The following RSPO1 variants were observed in gnomAD, a reference collection of about 807,000 sequenced individuals.
The protein encoded by RSPO1 is R-spondin 1, also known as R-spondin-1.
In RSPO1, 18 loss-of-function variants were observed where a neutral mutation model predicts 26.0. The observed-to-expected ratio is 0.69, with a 90% CI of 0.48 to 1.03. The LOEUF (loss-of-function observed/expected upper bound fraction) is 1.03, where lower values mean the gene tolerates loss of function less well. Ranked by LOEUF, RSPO1 falls within the 50% of genes least tolerant of loss-of-function variation. The pLI is 0.00. For missense variants in RSPO1, 309 were observed against 352.3 expected, an observed-to-expected ratio of 0.88 and a Z score of 0.98; for synonymous variants, 133 against 137.4, an observed-to-expected ratio of 0.97 and a Z score of 0.22.
chr1:37,617,313 T>A (rs1361335184), intron 3 of RSPO1, among the ~76,000 whole-genome samples: 1 of 152,054 alleles, frequency 6.6e-6, no homozygotes, highest in Non-Finnish European at 1.5e-5. Context: ...CAGCAAAGAA[T>A]CATTTGGTCC....
At position 37,629,903 on chromosome 1, in the gene RSPO1, T is replaced by A; in HGVS notation, c.-242A>T. Reference sequence around the variant, plus strand: ...CTCAAAGATACCTCGGAATATCATATGAGAGATCTTTTTGTCACGTCAGCA... The same window carrying A: ...CTCAAAGATACCTCGGAATATCATAAGAGAGATCTTTTTGTCACGTCAGCA... On this transcript the variant is annotated 5_prime_UTR_variant, in exon 3 of 7. Coordinates refer to ENST00000356545, the MANE Select transcript of RSPO1 (RefSeq NM_001242908.2). 1 of 1,546,976 alleles carries A rather than the reference T, an allele frequency of 6.5e-7. No individual in the cohort carries two copies. The highest frequency in any genetic ancestry group is 8.7e-7 in the Non-Finnish European group (1 of 1,143,626).
At chr1:37,619,297 G>T (rs969456724) in intron 3 of RSPO1, among the ~76,000 whole-genome samples, 1 of 152,214 alleles carries the variant, frequency 6.6e-6, no homozygotes, top group Admixed American at 6.5e-5. Flanking sequence ...GCAGAGAGCT[G>T]GGAAAATCAG....
At position 37,614,281 on chromosome 1, in the gene RSPO1, C is replaced by A; in HGVS notation, c.339G>T (p.Lys113Asn). ...EACFSHNFCTKCKEGLYLHKG... is the reference protein window; with the variant it reads ...EACFSHNFCTNCKEGLYLHKG... ...TGTGCAGGTACAAGCCCTCCTTACACTTGGTGCAGAAGTTATGGCTGAAGC... is the reference window on the plus strand; with the variant it reads ...TGTGCAGGTACAAGCCCTCCTTACAATTGGTGCAGAAGTTATGGCTGAAGC... The change falls in exon 5 of 7, where the codon AAG (lysine) becomes AAT (asparagine). Residue 113 changes from lysine (K) to asparagine (N), a missense_variant. Physicochemically the swap from Lys to Asn is moderately conservative, Grantham distance 94. Transcript: ENST00000356545. 6.2e-7 allele frequency: 1 copy of A among 1,613,924 alleles called. No individual in the cohort carries two copies. The highest frequency in any genetic ancestry group is 8.5e-7 in the Non-Finnish European group (1 of 1,180,050).
Position 37,613,928 on chromosome 1 carries a change from G to A in RSPO1, c.437-36C>T, listed in dbSNP as rs754691847. 5 of 1,605,880 alleles carry A rather than the reference G, an allele frequency of 3.1e-6. No individual in the cohort carries two copies. In the East Asian group the frequency reaches 1.1e-4, roughly 36 times the overall value. On this transcript the variant is annotated intron_variant, in intron 5 of 6. Coordinates refer to ENST00000356545, the MANE Select transcript of RSPO1 (RefSeq NM_001242908.2). This position sits in a 1 kb window ranked among gnomAD's most constrained non-coding sequence, Gnocchi z 4.5. The stretch of plus-strand genomic sequence containing the variant: ...GAGAAGGGAAGGGAGAGAAGGACAA[G>A]GAGGAGGGGATCATGTCTCCTCCTC...
intron 3 of RSPO1, among the ~76,000 whole-genome samples, chr1:37,620,902 C>T (rs780658767): frequency 1.3e-5 from 2 of 152,092 alleles, no homozygotes; most frequent in Non-Finnish European, 2.9e-5. Flanking sequence ...GACATGAATG[C>T]GCCCTCTAGG....
At position 37,616,566 on chromosome 1, in the gene RSPO1, G is replaced by A. The variant is rs372144977; in HGVS notation, c.204C>T (p.Asp68=). The stretch of plus-strand genomic sequence containing the variant: ...GCAAGCAGACGCCCACCTGGCGGAT[G>A]TCGTTCCTCTCCAGCAGGATGAACA... ...PKLFILLERN[D]IRQVGVCLPS... The change falls in exon 4 of 7, where the codon GAC becomes GAT. Residue 68 remains aspartate, a synonymous_variant. Coordinates refer to ENST00000356545, the MANE Select transcript of RSPO1 (RefSeq NM_001242908.2). 1.9e-6 allele frequency: 3 copies of A among 1,614,094 alleles called. No individual in the cohort carries two copies. The highest frequency in any genetic ancestry group is 1.7e-5 in the Admixed American group (1 of 60,006).
intron 3 of RSPO1, among the ~76,000 whole-genome samples, chr1:37,622,523 C>A (rs1644218205): frequency 2.0e-5 from 3 of 152,030 alleles, no homozygotes. Context: ...AAAAAAAGAA[C>A]CTGATAGTTA....
intron 3 of RSPO1, among the ~76,000 whole-genome samples, chr1:37,619,385 T>C (rs1644165598): frequency 6.6e-6 from 1 of 152,184 alleles, no homozygotes; most frequent in South Asian, 2.1e-4. Flanking sequence ...CAGAGCCAGA[T>C]TCCCAGTCTG....
In RSPO1 at chr1:37,612,974, T is replaced by A. The variant is rs115148848; in HGVS notation, c.626-53A>T. On this transcript the variant is annotated intron_variant, in intron 6 of 6. Coordinates refer to ENST00000356545, the MANE Select transcript of RSPO1 (RefSeq NM_001242908.2). ...CAACAAAGGATGTGCAGGGAGGCCC[T>A]GGGCATGGCCACAGGCCCTAGGAGG... is the stretch of plus-strand genomic sequence containing the variant. 7.7e-4 allele frequency: 1,229 copies of A among 1,598,962 alleles called. 5 individuals carry two copies. In the African/African-American group the frequency reaches 0.015, roughly 19 times the overall value.
At chr1:37,623,468 C>G (rs1190653697) in intron 3 of RSPO1, among the ~76,000 whole-genome samples, 1 of 152,102 alleles carries the variant, frequency 6.6e-6, no homozygotes, top group East Asian at 1.9e-4. Flanking sequence ...GGTTACATAT[C>G]TGGATGTAGA....
At chr1:37,620,025 A>G (rs1025396988) in intron 3 of RSPO1, among the ~76,000 whole-genome samples, 2 of 152,274 alleles carry the variant, frequency 1.3e-5, no homozygotes, top group African/African-American at 4.8e-5. Flanking sequence ...CTGAGATTAC[A>G]GGCGTGAGCC....
Position 37,612,499 on chromosome 1 carries a change from GGTGTGTGTGT to G in RSPO1, c.*246_*255del. ...ATGGAAGTGTCTTCTGGTGGCCTCAGGTGTGTGTGTGTGTGTGTGTGTATGTGTGTGTGTG... is the reference window on the plus strand; with the variant it reads ...ATGGAAGTGTCTTCTGGTGGCCTCAGGTGTGTGTGTGTATGTGTGTGTGTG... On this transcript the variant is annotated 3_prime_UTR_variant, in exon 7 of 7. Coordinates refer to ENST00000356545, the MANE Select transcript of RSPO1 (RefSeq NM_001242908.2). The G allele has an allele frequency of 3.9e-6, 2 of 509,374 alleles. No individual in the cohort carries two copies. The highest frequency in any genetic ancestry group is 2.3e-5 in the South Asian group (1 of 43,650). 31.6% of individuals were successfully genotyped at this position (509,374 alleles called of 1,614,324 possible). A position where few individuals can be genotyped will look rare whatever the true frequency, so the allele number is the denominator to read the frequency against.
chr1:37,615,686 G>A (rs965249612), intron 4 of RSPO1, among the ~76,000 whole-genome samples: 3 of 152,220 alleles, frequency 2.0e-5, no homozygotes, highest in African/African-American at 4.8e-5. Context: ...ATTGTCCCCC[G>A]AGTGTGTTCA....
intron 3 of RSPO1, among the ~76,000 whole-genome samples, chr1:37,628,662 C>T (rs925540137): frequency 9.2e-5 from 14 of 152,210 alleles, no homozygotes; most frequent in Admixed American, 8.5e-4. Context: ...CACTGGGGCC[C>T]CATCACTGGA....
intron 3 of RSPO1, among the ~76,000 whole-genome samples, chr1:37,620,292 C>T (rs567095329): frequency 1.4e-4 from 21 of 152,168 alleles, no homozygotes; most frequent in Admixed American, 6.5e-4. Flanking sequence ...GCGGGCAGAT[C>T]GCTGCAGCCC....
At chr1:37,623,494 C>T (rs574250159) in intron 3 of RSPO1, among the ~76,000 whole-genome samples, 2 of 152,016 alleles carry the variant, frequency 1.3e-5, no homozygotes, top group South Asian at 4.1e-4. Context: ...AGAGGGCACT[C>T]CCTGACCCAG....
intron 3 of RSPO1, among the ~76,000 whole-genome samples, chr1:37,617,446 G>A (rs974222585): frequency 2.6e-5 from 4 of 152,038 alleles, no homozygotes; most frequent in African/African-American, 9.7e-5. Context: ...AACACCTGAG[G>A]TCAGGAGTTT....
chr1:37,613,779 CAG>C lies in RSPO1; in HGVS notation c.548_549del (p.Pro183ArgfsTer9), dbSNP rs1557428853. ...EERTRRVLHA[P>X]VGDHAACSDT... Reference sequence around the variant, plus strand: ...TCAGAGCAGGCAGCATGGTCCCCCACAGGGGCATGTAGCACCCTGCGTGTCCG... The same window carrying C: ...TCAGAGCAGGCAGCATGGTCCCCCACGGGCATGTAGCACCCTGCGTGTCCG... On this transcript the variant is annotated frameshift_variant, in exon 6 of 7. Coordinates refer to ENST00000356545, the MANE Select transcript of RSPO1 (RefSeq NM_001242908.2). LOFTEE classifies it high-confidence loss of function. The surrounding 1 kb of genome is among the most constrained non-coding windows in gnomAD (Gnocchi z 4.5). 6.2e-7 allele frequency: 1 copy of C among 1,614,042 alleles called. No individual in the cohort carries two copies. The highest frequency in any genetic ancestry group is 8.5e-7 in the Non-Finnish European group (1 of 1,180,002).
rs770290841 is a variant in RSPO1, at chr1:37,614,309, G to A, written c.311C>T (p.Ala104Val). ...CIKCKIEHCE[A>V]CFSHNFCTKC... ...GGTGCAGAAGTTATGGCTGAAGCAG[G>A]CCTCACAGTGCTCGATCTTGCATTC... Residue 104 changes from alanine to valine, a missense_variant, in exon 5 of 7, where the codon GCC (alanine) becomes GTC (valine). By Grantham distance (64) the Ala-to-Val change is moderately conservative. Coordinates refer to ENST00000356545, the MANE Select transcript of RSPO1 (RefSeq NM_001242908.2). The A allele has an allele frequency of 1.3e-5, 21 of 1,613,790 alleles. No individual in the cohort carries two copies. The highest frequency in any genetic ancestry group is 1.4e-5 in the Non-Finnish European group (17 of 1,180,040).
Sources: allele counts gnomAD v4.1 joint callset (sites outside exome capture counted in the v4.1 genomes callset), GRCh38; gene constraint gnomAD v4.1.1; non-coding constraint Gnocchi (gnomAD v3.1); transcripts MANE v1.5; gene names NCBI Gene and HGNC (gene_info 2026-07-23, HGNC 2026-07-21).